Variants in CNNM4 observed in about 807,000 individuals in gnomAD.
CNNM4 encodes the protein cyclin and CBS domain divalent metal cation transport mediator 4, also known as metal transporter CNNM4.
In CNNM4, 32 loss-of-function variants were observed where a neutral mutation model predicts 53.7. The observed-to-expected ratio is 0.60, with a 90% confidence interval of 0.45 to 0.80. The LOEUF is 0.80. Ranked by LOEUF, CNNM4 falls within the 30% of genes least tolerant of loss-of-function variation. The pLI is 0.00. For missense variants in CNNM4, 784 were observed against 1,022.0 expected (o/e 0.77, Z 3.17); for synonymous variants, 410 against 440.0 (o/e 0.93, Z 0.85).
chr2:96,771,410 T>C (rs996108486), intron 1 of CNNM4, among the ~76,000 whole-genome samples: 2 of 151,962 alleles, frequency 1.3e-5, no homozygotes, highest in African/African-American at 4.8e-5. Flanking sequence ...AAAAACCTTA[T>C]AACAAACAGC....
In CNNM4 at chr2:96,761,010, T is replaced by C; in HGVS notation, c.11T>C (p.Val4Ala). 1.7e-6 allele frequency: 2 copies of C among 1,164,948 alleles called. No individual in the cohort carries two copies. The highest frequency in any genetic ancestry group is 2.1e-6 in the Non-Finnish European group (2 of 945,826). The allele number at this position is 1,164,948 out of a possible 1,614,324, so 72.2% of individuals were successfully genotyped here. A position where few individuals can be genotyped will look rare whatever the true frequency, so the allele number is the denominator to read the frequency against. Residue 4 changes from valine to alanine, a missense_variant, in exon 1 of 7, where the codon GTG becomes GCG. Physicochemically the swap from Val to Ala is moderately conservative, Grantham distance 64. Coordinates refer to ENST00000377075, the MANE Select transcript of CNNM4 (RefSeq NM_020184.4). This position sits in a 1 kb window ranked among gnomAD's most constrained non-coding sequence, Gnocchi z 6.0. MAP[V>A]GGGGRPVGGP... ...CAGAGCCAGAGCAACATGGCGCCGGTGGGCGGGGGCGGGCGCCCGGTCGGC... is the reference window on the plus strand; with the variant it reads ...CAGAGCCAGAGCAACATGGCGCCGGCGGGCGGGGGCGGGCGCCCGGTCGGC...
intron 1 of CNNM4, among the ~76,000 whole-genome samples, chr2:96,790,388 CTT>C (rs2079051610): frequency 7.0e-6 from 1 of 142,752 alleles, no homozygotes; most frequent in Non-Finnish European, 1.5e-5. Flanking sequence ...GAGTTTAACT[CTT>C]GTTGCCCAGG....
chr2:96,765,578 G>T (rs959686393), intron 1 of CNNM4, among the ~76,000 whole-genome samples: 24 of 152,142 alleles, frequency 1.6e-4, no homozygotes, highest in African/African-American at 5.3e-4. Context: ...TGCCCCACAA[G>T]TAATCCTCTT....
chr2:96,807,913 G>C (rs2079223704), intron 5 of CNNM4, among the ~76,000 whole-genome samples: 1 of 151,956 alleles, frequency 6.6e-6, no homozygotes, highest in Non-Finnish European at 1.5e-5. Context: ...TTTTGAGACA[G>C]AGTCTTGCTC....
intron 1 of CNNM4, among the ~76,000 whole-genome samples, chr2:96,779,183 C>T (rs1357361371): frequency 3.3e-5 from 5 of 152,132 alleles, no homozygotes. Context: ...TGGTCTCGAT[C>T]TCCTGAGCTC....
chr2:96,762,227 G>C lies in CNNM4; in HGVS notation c.1228G>C (p.Val410Leu). Residue 410 changes from valine (V) to leucine (L), a missense_variant, in exon 1 of 7, where the codon GTG (valine) becomes CTG (leucine). Physicochemically the swap from Val to Leu is conservative, Grantham distance 32. This residue lies in a region of CNNM4 where 473 missense variants were observed against 624.6 expected (regional missense o/e 0.76). Transcript: ENST00000377075. ...IMESGYTRIP[V>L]FEDEQSNIVD... The stretch of plus-strand genomic sequence containing the variant: ...GGAAAGCGGCTATACTCGCATCCCG[G>C]TGTTCGAAGACGAGCAGTCCAATAT... 4 of 1,614,174 alleles carry C rather than the reference G, an allele frequency of 2.5e-6. No individual in the cohort carries two copies. Among genetic ancestry groups the C allele is most frequent in the Non-Finnish European group, 3.4e-6 (4 of 1,180,038 alleles).
In CNNM4 at chr2:96,761,020, C is replaced by A; in HGVS notation, c.21C>A (p.Gly7=). 1 of 1,187,092 alleles carries A rather than the reference C, an allele frequency of 8.4e-7. No individual in the cohort carries two copies. 73.5% of individuals were successfully genotyped at this position (1,187,092 alleles called of 1,614,324 possible). The change falls in exon 1 of 7, where the codon GGC becomes GGA. Residue 7 remains glycine, a synonymous_variant. Coordinates refer to ENST00000377075, the MANE Select transcript of CNNM4 (RefSeq NM_020184.4). This position sits in a 1 kb window ranked among gnomAD's most constrained non-coding sequence, Gnocchi z 6.0. ...GCAACATGGCGCCGGTGGGCGGGGG[C>A]GGGCGCCCGGTCGGCGGACCGGCCC... The part of the protein sequence containing the change: MAPVGG[G]GRPVGGPARG...
intron 1 of CNNM4, among the ~76,000 whole-genome samples, chr2:96,768,985 C>A (rs1029597907): frequency 6.6e-6 from 1 of 152,252 alleles, no homozygotes; most frequent in Non-Finnish European, 1.5e-5. Context: ...GGTGCGGTGG[C>A]TTACGCCTGT....
At chr2:96,763,669 G>A (rs1222288390) in intron 1 of CNNM4, among the ~76,000 whole-genome samples, 1 of 152,190 alleles carries the variant, frequency 6.6e-6, no homozygotes, top group Non-Finnish European at 1.5e-5. Context: ...ATAGGGAGGA[G>A]CTGGCTTTGC....
At chr2:96,774,267 C>T (rs567802081) in intron 1 of CNNM4, among the ~76,000 whole-genome samples, 1 of 152,216 alleles carries the variant, frequency 6.6e-6, no homozygotes, top group East Asian at 1.9e-4. Context: ...GGGAAGAGGC[C>T]ACCAGGTGAG....
Position 96,801,144 on chromosome 2 carries a change from C to G in CNNM4, c.1948+1496C>G. The G allele has an allele frequency of 1.0e-6, 1 of 985,000 alleles. No individual in the cohort carries two copies. Among genetic ancestry groups the G allele is most frequent in the Non-Finnish European group, 1.2e-6 (1 of 829,542 alleles). 61.0% of individuals were successfully genotyped at this position (985,000 alleles called of 1,614,324 possible). Reference sequence around the variant, plus strand: ...CTCTGCTGGCTCACAGGTAACGTGGCACAGCTGAGGGTCACGCTGCCACCT... The same window carrying G: ...CTCTGCTGGCTCACAGGTAACGTGGGACAGCTGAGGGTCACGCTGCCACCT... On this transcript the variant is annotated intron_variant, in intron 5 of 6. Coordinates refer to ENST00000377075, the MANE Select transcript of CNNM4 (RefSeq NM_020184.4). The surrounding 1 kb of genome is among the most constrained non-coding windows in gnomAD (Gnocchi z 5.6).
At chr2:96,780,688 GTTTGT>G (rs1473600214) in intron 1 of CNNM4, among the ~76,000 whole-genome samples, 2 of 151,810 alleles carry the variant, frequency 1.3e-5, no homozygotes, top group Non-Finnish European at 2.9e-5. Context: ...TTTTTGTTTT[GTTTGT>G]TTTGTTTTTT....
chr2:96,761,662 C>A lies in CNNM4; in HGVS notation c.663C>A (p.Gly221=). The change falls in exon 1 of 7, where the codon GGC becomes GGA. Residue 221 remains glycine, a synonymous_variant. Coordinates refer to ENST00000377075, the MANE Select transcript of CNNM4 (RefSeq NM_020184.4). The surrounding 1 kb of genome is among the most constrained non-coding windows in gnomAD (Gnocchi z 6.0). ...AGCTGCGCATCGTGCAGAACTGTGGCACCGAGAAGGAGAGGCGCTATGCCC... is the reference window on the plus strand; with the variant it reads ...AGCTGCGCATCGTGCAGAACTGTGGAACCGAGAAGGAGAGGCGCTATGCCC... ...PMELRIVQNC[G]TEKERRYARK... is the part of the protein sequence containing the mutation. The A allele has an allele frequency of 1.2e-6, 2 of 1,611,870 alleles. No homozygotes were observed. The highest frequency in any genetic ancestry group is 1.7e-6 in the Non-Finnish European group (2 of 1,180,022).
In CNNM4 at chr2:96,809,720, A is replaced by G. The variant is rs1047391883; in HGVS notation, c.*203A>G. The stretch of plus-strand genomic sequence containing the variant: ...GAGGTGGCACTGTCCAGCCCTGGAT[A>G]GGGGGGGCAGTGGGCCAGCTACCGT... On this transcript the variant is annotated 3_prime_UTR_variant, in exon 7 of 7. Transcript: ENST00000377075. 1.4e-5 allele frequency: 7 copies of G among 516,966 alleles called. No individual in the cohort carries two copies. Among genetic ancestry groups the G allele is most frequent in the African/African-American group, 9.5e-5 (5 of 52,680 alleles). 32.0% of individuals were successfully genotyped at this position (516,966 alleles called of 1,614,324 possible). A position where few individuals can be genotyped will look rare whatever the true frequency, so the allele number is the denominator to read the frequency against.
Position 96,797,394 on chromosome 2 carries a change from G to A in CNNM4, c.1547-119G>A. 5 of 1,501,484 alleles carry A rather than the reference G, an allele frequency of 3.3e-6. No individual in the cohort carries two copies. The highest frequency in any genetic ancestry group is 4.6e-6 in the Non-Finnish European group (5 of 1,091,066). 93.0% of individuals were successfully genotyped at this position (1,501,484 alleles called of 1,614,324 possible). On this transcript the variant is annotated intron_variant, in intron 2 of 6. Transcript: ENST00000377075. This position sits in a 1 kb window ranked among gnomAD's most constrained non-coding sequence, Gnocchi z 6.0. The stretch of plus-strand genomic sequence containing the variant: ...CGTCAGCCCAGGACCCTGCCAGCCA[G>A]AGCCTGCTGCTCCTGCGTGGGACTA...
chr2:96,811,834 A>C lies in CNNM4; in HGVS notation c.*2317A>C, dbSNP rs568850832. On this transcript the variant is annotated 3_prime_UTR_variant, in exon 7 of 7. Transcript: ENST00000377075. ...TGATATTTGCTAAACGATATATGGA[A>C]TTTATTTTTGATTGGTAATAAAAAA... The C allele has an allele frequency of 6.5e-6, 1 of 152,686 alleles. No homozygotes were observed. The highest frequency in any genetic ancestry group is 6.5e-5 in the Admixed American group (1 of 15,288). The allele number at this position is 152,686 out of a possible 1,614,324, so 9.5% of individuals were successfully genotyped here. A position where few individuals can be genotyped will look rare whatever the true frequency, so the allele number is the denominator to read the frequency against.
In CNNM4 at chr2:96,797,668, C is replaced by T. The variant is rs753328499; in HGVS notation, c.1681+21C>T. ...CACAGGTAGCATGAGGAGGACCTTC[C>T]GGTCTTGGTGGAAATACGGTCACGG... On this transcript the variant is annotated intron_variant, in intron 3 of 6. Coordinates refer to ENST00000377075, the MANE Select transcript of CNNM4 (RefSeq NM_020184.4). This position sits in a 1 kb window ranked among gnomAD's most constrained non-coding sequence, Gnocchi z 6.0. The T allele has an allele frequency of 4.6e-5, 74 of 1,613,182 alleles. No homozygotes were observed. Among genetic ancestry groups the T allele is most frequent in the Admixed American group, 2.8e-4 (17 of 59,986 alleles).
chr2:96,798,217 A>G (rs900667706), intron 3 of CNNM4: 1 of 174,974 alleles, frequency 5.7e-6, no homozygotes, highest in African/African-American at 2.4e-5. Flanking sequence ...GGGCCACAGA[A>G]CAAGATTCTG....
intron 1 of CNNM4, among the ~76,000 whole-genome samples, chr2:96,762,667 C>T (rs1046018245): frequency 1.3e-5 from 2 of 152,068 alleles, no homozygotes; most frequent in African/African-American, 4.8e-5. Flanking sequence ...GGAGCAAGAC[C>T]TCAGGGAGCT....
Sources: allele counts gnomAD v4.1 joint callset (sites outside exome capture counted in the v4.1 genomes callset), GRCh38; gene constraint gnomAD v4.1.1; regional missense constraint gnomAD v4.1.1; non-coding constraint Gnocchi (gnomAD v3.1); transcripts MANE v1.5; gene names NCBI Gene and HGNC (gene_info 2026-07-23, HGNC 2026-07-21).